CAMTA1: variants seen among roughly 807,000 people sequenced by gnomAD.
CAMTA1 encodes the protein calmodulin-binding transcription activator 1.
A neutral mutation model predicts 170.9 loss-of-function variants in CAMTA1; 27 were observed. The ratio of observed to expected loss-of-function variants is 0.16; its 90% CI spans 0.12 to 0.22. The LOEUF is 0.22. CAMTA1 is among the 10% of genes least tolerant of loss of function. The pLI is 1.00. For missense variants in CAMTA1, 1,619 were observed against 2,217.2 expected, an observed-to-expected ratio of 0.73 and a Z score of 5.42; for synonymous variants, 833 against 891.5, an observed-to-expected ratio of 0.93 and a Z score of 1.17.
intron 4 of CAMTA1, among the ~76,000 whole-genome samples, chr1:7,181,632 G>A: frequency 6.6e-6 from 1 of 152,068 alleles, no homozygotes; most frequent in South Asian, 2.1e-4. Context: ...CAACAAAGAA[G>A]ATACTTAGGA....
chr1:7,734,242 C>T (rs1003728262), intron 12 of CAMTA1, among the ~76,000 whole-genome samples: 3 of 152,182 alleles, frequency 2.0e-5, no homozygotes, highest in Admixed American at 6.5e-5. Context: ...CCACCGTGCC[C>T]GGCCGATAGT....
chr1:7,369,377 T>C (rs1446303901), intron 5 of CAMTA1, among the ~76,000 whole-genome samples: 1 of 152,156 alleles, frequency 6.6e-6, no homozygotes, highest in Non-Finnish European at 1.5e-5. Context: ...TTCACAAGCA[T>C]ACCCTCGCTT....
chr1:7,697,842 C>T (rs1378801532), intron 11 of CAMTA1, among the ~76,000 whole-genome samples: 3 of 152,122 alleles, frequency 2.0e-5, no homozygotes, highest in Non-Finnish European at 4.4e-5. Context: ...CACTGTTTCT[C>T]CCCACTATCC....
chr1:7,742,822 T>G (rs931826935), intron 16 of CAMTA1, among the ~76,000 whole-genome samples: 2 of 152,182 alleles, frequency 1.3e-5, no homozygotes, highest in Non-Finnish European at 2.9e-5. Context: ...ATAGAGAAGG[T>G]GAAAGAAAGC....
intron 6 of CAMTA1, among the ~76,000 whole-genome samples, chr1:7,543,088 C>T (rs1419225654): frequency 6.6e-6 from 1 of 152,028 alleles, no homozygotes; most frequent in African/African-American, 2.4e-5. Flanking sequence ...AGGATGGTCT[C>T]GAACTCCTGA....
intron 3 of CAMTA1, among the ~76,000 whole-genome samples, chr1:6,862,580 CCTT>C (rs1665162292): frequency 6.6e-6 from 1 of 152,198 alleles, no homozygotes; most frequent in Admixed American, 6.5e-5. Context: ...TTCCGCCAAA[CCTT>C]CTTTCTTAGA....
intron 4 of CAMTA1, among the ~76,000 whole-genome samples, chr1:7,222,382 A>G (rs964279194): frequency 6.6e-6 from 1 of 152,136 alleles, no homozygotes; most frequent in Non-Finnish European, 1.5e-5. Flanking sequence ...CTCATGGAAC[A>G]TTCAATCCTT....
At chr1:6,950,647 G>A (rs1688319647) in intron 3 of CAMTA1, among the ~76,000 whole-genome samples, 2 of 152,266 alleles carry the variant, frequency 1.3e-5, no homozygotes, top group South Asian at 4.2e-4. Flanking sequence ...CTGATTAGTA[G>A]GTATCCCAGC....
At chr1:7,012,136 G>C (rs1381763556) in intron 3 of CAMTA1, among the ~76,000 whole-genome samples, 1 of 152,134 alleles carries the variant, frequency 6.6e-6, no homozygotes, top group Non-Finnish European at 1.5e-5. Flanking sequence ...TGATGTCACG[G>C]TTCAAGTTTT....
intron 5 of CAMTA1, among the ~76,000 whole-genome samples, chr1:7,289,140 G>C (rs1260366869): frequency 8.5e-5 from 13 of 152,086 alleles, no homozygotes. Context: ...TCGCTGTCAT[G>C]AGAACAGCAC....
chr1:6,845,903 G>T (rs1657900592), intron 3 of CAMTA1, among the ~76,000 whole-genome samples: 1 of 152,208 alleles, frequency 6.6e-6, no homozygotes, highest in African/African-American at 2.4e-5. Context: ...AGGTTTAATG[G>T]ACTCACAATT....
At chr1:7,157,362 A>G (rs1193483238) in intron 4 of CAMTA1, among the ~76,000 whole-genome samples, 1 of 133,720 alleles carries the variant, frequency 7.5e-6, no homozygotes, top group Non-Finnish European at 1.6e-5. Context: ...AAAAAAAAAA[A>G]GCAGAAACAA....
chr1:7,676,270 G>A (rs761859025), intron 10 of CAMTA1, among the ~76,000 whole-genome samples: 1 of 152,246 alleles, frequency 6.6e-6, no homozygotes, highest in Non-Finnish European at 1.5e-5. Context: ...GAGGTCCTAT[G>A]TGACCTCCAC....
At chr1:6,842,850 G>A (rs1441582875) in intron 3 of CAMTA1, among the ~76,000 whole-genome samples, 2 of 152,074 alleles carry the variant, frequency 1.3e-5, no homozygotes, top group Non-Finnish European at 2.9e-5. Context: ...CTTGAACCCG[G>A]GAGGTGGAGG....
At chr1:6,914,173 C>T (rs1325872937) in intron 3 of CAMTA1, among the ~76,000 whole-genome samples, 2 of 145,010 alleles carry the variant, frequency 1.4e-5, no homozygotes, top group Non-Finnish European at 1.5e-5. Flanking sequence ...GGCGTGATCT[C>T]GGCTCACTGC....
At chr1:7,310,995 T>C (rs1237999886) in intron 5 of CAMTA1, among the ~76,000 whole-genome samples, 1 of 152,140 alleles carries the variant, frequency 6.6e-6, no homozygotes, top group Non-Finnish European at 1.5e-5. Flanking sequence ...CCTCCCAAAC[T>C]GCTGGGATTA....
chr1:7,378,877 G>A (rs1057190374), intron 5 of CAMTA1, among the ~76,000 whole-genome samples: 1 of 152,146 alleles, frequency 6.6e-6, no homozygotes, highest in Non-Finnish European at 1.5e-5. Context: ...CAGGGGCCAG[G>A]GCTTCCTGGG....
intron 3 of CAMTA1, among the ~76,000 whole-genome samples, chr1:6,855,950 A>G (rs1033294091): frequency 2.0e-5 from 3 of 152,128 alleles, no homozygotes; most frequent in African/African-American, 7.2e-5. Context: ...ATGTCATACT[A>G]GTGGAACTTA....
chr1:7,285,595 T>C (rs545013257), intron 5 of CAMTA1, among the ~76,000 whole-genome samples: 2 of 152,102 alleles, frequency 1.3e-5, no homozygotes, highest in African/African-American at 4.8e-5. Flanking sequence ...GACCACAGAT[T>C]CTATGGTCTT....
Sources: allele counts gnomAD v4.1 joint callset (sites outside exome capture counted in the v4.1 genomes callset), GRCh38; gene constraint gnomAD v4.1.1; transcripts MANE v1.5; gene names NCBI Gene and HGNC (gene_info 2026-07-23, HGNC 2026-07-21).